The following SDE2 variants were observed in gnomAD, a reference collection of about 807,000 sequenced individuals.
The protein encoded by SDE2 is splicing regulator SDE2.
In SDE2, 31 loss-of-function variants were observed where a neutral mutation model predicts 46.9. The ratio of observed to expected loss-of-function variants is 0.66; its 90% CI spans 0.50 to 0.89. The LOEUF (loss-of-function observed/expected upper bound fraction) is 0.89, where lower values mean the gene tolerates loss of function less well. Among genes scored for constraint, SDE2 ranks in the 40% least tolerant of loss-of-function variants. SDE2 has a pLI of 0.00. For synonymous variants in SDE2, 205 were observed against 204.3 expected (o/e 1.00, Z -0.03); for missense variants, 542 against 564.4 (o/e 0.96, Z 0.40).
At chr1:225,996,306 G>A (rs967881446) in intron 1 of SDE2, among the ~76,000 whole-genome samples, 1 of 152,092 alleles carries the variant, frequency 6.6e-6, no homozygotes, top group Admixed American at 6.6e-5. Context: ...AATACATTTT[G>A]TATCTGTTTA....
Position 225,995,281 on chromosome 1 carries a change from A to G in SDE2, c.223T>C (p.Cys75Arg), listed in dbSNP as rs770642413. Residue 75 changes from cysteine to arginine, a missense_variant, in exon 2 of 7, where the codon TGC (cysteine) becomes CGC (arginine). Cys to Arg is a radical substitution (Grantham distance 180). Transcript: ENST00000272091. ...GAVYSLEPRL[C>R]GGKGGFGSML... ...CAGGTCCTACCTCCTTTTCCACCGC[A>G]AAGTCTGGGTTCCAAACTATAAACA... 1.9e-6 allele frequency: 3 copies of G among 1,599,296 alleles called. No homozygotes were observed. The highest frequency in any genetic ancestry group is 2.7e-5 in the African/African-American group (2 of 74,604).
chr1:225,992,510 C>A lies in SDE2; in HGVS notation c.408G>T (p.Arg136=), dbSNP rs1656425218. ...AEREAEKEQK[R]LERLQRKLVE... Reference sequence around the variant, plus strand: ...CAAGCTTCCGCTGCAGTCGCTCCAGCCGCTTCTGCTCCTTTTCAGCCTCTC... The same window carrying A: ...CAAGCTTCCGCTGCAGTCGCTCCAGACGCTTCTGCTCCTTTTCAGCCTCTC... The change falls in exon 4 of 7, where the codon CGG becomes CGT. Residue 136 remains arginine, a synonymous_variant. Coordinates refer to ENST00000272091, the MANE Select transcript of SDE2 (RefSeq NM_152608.4). 1 of 1,612,610 alleles carries A rather than the reference C, an allele frequency of 6.2e-7. No homozygotes were observed. The highest frequency in any genetic ancestry group is 1.7e-5 in the Admixed American group (1 of 60,018).
Position 225,995,293 on chromosome 1 carries a change from C to T in SDE2, c.211G>A (p.Glu71Lys). 1.2e-6 allele frequency: 2 copies of T among 1,609,290 alleles called. No individual in the cohort carries two copies. Among genetic ancestry groups the T allele is most frequent in the Middle Eastern group, 3.3e-4 (2 of 6,052 alleles). The change falls in exon 2 of 7, where the codon GAA becomes AAA. Residue 71 changes from glutamate to lysine, a missense_variant. By Grantham distance (56) the Glu-to-Lys change is moderately conservative (BLOSUM62 1). This residue lies in a region of SDE2 where 135 missense variants were observed against 106.5 expected (regional missense o/e 1.27). Transcript: ENST00000272091. Reference protein sequence around the residue: ...TVQHGAVYSLEPRLCGGKGGF... With the variant: ...TVQHGAVYSLKPRLCGGKGGF... The stretch of plus-strand genomic sequence containing the variant: ...CCTTTTCCACCGCAAAGTCTGGGTT[C>T]CAAACTATAAACAGCTCCATGCTGC...
intron 1 of SDE2, among the ~76,000 whole-genome samples, chr1:225,996,248 A>G (rs1276902175): frequency 6.6e-6 from 1 of 152,206 alleles, no homozygotes; most frequent in Non-Finnish European, 1.5e-5. Context: ...TTGTCTTTAA[A>G]ATACTGTCTA....
chr1:225,985,615 C>G, intron 6 of SDE2, 92 bp from the exon 7 acceptor site: 1 of 809,670 alleles, frequency 1.2e-6, no homozygotes. Context: ...GAGAAATTTT[C>G]ATTTAATTTG....
At chr1:225,993,955 A>G (rs185613540) in intron 2 of SDE2, among the ~76,000 whole-genome samples, 1,591 of 145,916 alleles carry the variant, frequency 0.011, 58 homozygotes, top group Admixed American at 0.065. Flanking sequence ...TTTTGTAGAG[A>G]CCAAGGTCTC....
rs764676070 is a variant in SDE2, at chr1:225,992,914, T to C, written c.327A>G (p.Leu109=). The C allele has an allele frequency of 1.2e-6, 2 of 1,610,184 alleles. No homozygotes were observed. Among genetic ancestry groups the C allele is most frequent in the Non-Finnish European group, 8.5e-7 (1 of 1,176,476 alleles). The change falls in exon 3 of 7, where the codon CTA becomes CTG. Residue 109 remains leucine (L), a synonymous_variant. Transcript: ENST00000272091. ...ACGCTTTTTCATGATTGACATCGCG[T>C]AGTCTCCTTCCACTGAGATCCCGAC... ...EACRDLSGRR[L]RDVNHEKAMA... is the part of the protein sequence containing the mutation.
chr1:225,995,363 G>T lies in SDE2; in HGVS notation c.141C>A (p.Phe47Leu). 6.2e-7 allele frequency: 1 copy of T among 1,605,678 alleles called. No individual in the cohort carries two copies. The highest frequency in any genetic ancestry group is 8.5e-7 in the Non-Finnish European group (1 of 1,172,846). Residue 47 changes from phenylalanine (F) to leucine (L), a missense_variant, in exon 2 of 7, where the codon TTC becomes TTA. By Grantham distance (22) the Phe-to-Leu change is conservative. Around this residue, in one of 3 missense-constraint regions of SDE2, gnomAD observed 135 missense variants for 106.5 expected, o/e 1.27. Transcript: ENST00000272091. Reference sequence around the variant, plus strand: ...TGAGTGCTCCATTGCATTTCACAAAGAAGTTTTCCACTGGAACATTCTAGA... The same window carrying T: ...TGAGTGCTCCATTGCATTTCACAAATAAGTTTTCCACTGGAACATTCTAGA... The part of the protein sequence containing the change: ...CQDQNVPVEN[F>L]FVKCNGALIN...
At chr1:225,995,509 A>G in intron 1 of SDE2, 126 bp from the exon 2 acceptor site, 1 of 522,082 alleles carries the variant, frequency 1.9e-6, no homozygotes, top group Non-Finnish European at 3.4e-6. Flanking sequence ...ATATTTGTTG[A>G]ATTGAAAATG....
intron 6 of SDE2, among the ~76,000 whole-genome samples, chr1:225,987,410 A>G (rs1035662077): frequency 1.1e-4 from 16 of 152,184 alleles, no homozygotes; most frequent in African/African-American, 3.4e-4. Flanking sequence ...GATAAATTTA[A>G]AAGGAGGTTC....
chr1:225,994,519 G>C (rs960369690), intron 2 of SDE2, among the ~76,000 whole-genome samples: 1 of 152,178 alleles, frequency 6.6e-6, no homozygotes, highest in Non-Finnish European at 1.5e-5. Context: ...ACCAACAACT[G>C]TTTATATTGT....
chr1:225,987,387 C>G (rs1656291744), intron 6 of SDE2, among the ~76,000 whole-genome samples: 1 of 152,096 alleles, frequency 6.6e-6, no homozygotes, highest in Admixed American at 6.6e-5. Context: ...ACTGTGGGTA[C>G]TTAAGATTTA....
rs746912902 is a variant in SDE2 at position 225,995,263 on chromosome 1, T to C, written c.238+3A>G. On this transcript the variant is annotated splice_donor_region_variant and intron_variant, in intron 2 of 6. Coordinates refer to ENST00000272091, the MANE Select transcript of SDE2 (RefSeq NM_152608.4). The stretch of plus-strand genomic sequence containing the variant: ...AACTAAGTAGTCAATGTTCAGGTCC[T>C]ACCTCCTTTTCCACCGCAAAGTCTG... 2.0e-6 allele frequency: 3 copies of C among 1,492,928 alleles called. No homozygotes were observed. The highest frequency in any genetic ancestry group is 2.3e-5 in the East Asian group (1 of 44,260). 92.5% of individuals were successfully genotyped at this position (1,492,928 alleles called of 1,614,324 possible). A position where few individuals can be genotyped will look rare whatever the true frequency, so the allele number is the denominator to read the frequency against.
At chr1:225,986,621 A>G (rs2102701192) in intron 6 of SDE2, among the ~76,000 whole-genome samples, 1 of 152,360 alleles carries the variant, frequency 6.6e-6, no homozygotes, top group South Asian at 2.1e-4. Context: ...TACAACAGCT[A>G]TTACTACAAC....
At chr1:225,993,084 C>A (rs1576176377) in intron 2 of SDE2, 82 bp from the exon 3 acceptor site, 10 of 616,562 alleles carry the variant, frequency 1.6e-5, no homozygotes, top group East Asian at 3.0e-5. Context: ...CAATCTGTAT[C>A]ACAAGATTAA....
rs991834754 is a variant in SDE2 at position 225,991,349 on chromosome 1, A to C, written c.535T>G (p.Ser179Ala). ...ATTTCTGCTGAAACCATCTTGCTGGAGGCAGCCTGCATACCTAACCAGAAA... is the reference window on the plus strand; with the variant it reads ...ATTTCTGCTGAAACCATCTTGCTGGCGGCAGCCTGCATACCTAACCAGAAA... ...DSVLKGMQAASSKMVSAEISE... is the reference protein window; with the variant it reads ...DSVLKGMQAAASKMVSAEISE... Residue 179 changes from serine to alanine, a missense_variant, in exon 5 of 7, where the codon TCC (serine) becomes GCC (alanine). This residue lies in a region of SDE2 where 401 missense variants were observed against 437.8 expected (regional missense o/e 0.92). Coordinates refer to ENST00000272091, the MANE Select transcript of SDE2 (RefSeq NM_152608.4). The C allele has an allele frequency of 1.2e-6, 2 of 1,613,740 alleles. No individual in the cohort carries two copies. The highest frequency in any genetic ancestry group is 2.2e-5 in the South Asian group (2 of 91,066).
chr1:225,993,777 CCCT>C (rs1351720519), intron 2 of SDE2, among the ~76,000 whole-genome samples: 1 of 152,096 alleles, frequency 6.6e-6, no homozygotes, highest in Non-Finnish European at 1.5e-5. Flanking sequence ...TTTTTATCCC[CCCT>C]AAGAGATGGG....
chr1:225,995,140 G>T, intron 2 of SDE2, 126 bp downstream of exon 2: 2 of 616,328 alleles, frequency 3.2e-6, no homozygotes, highest in East Asian at 2.8e-5. Context: ...GCATACTAAA[G>T]AGACTAAGAA....
rs1656236623 is a variant in SDE2 at position 225,984,965 on chromosome 1, TATAA to T, written c.*333_*336del. 3.7e-6 allele frequency: 1 copy of T among 268,866 alleles called. No homozygotes were observed. Among genetic ancestry groups the T allele is most frequent in the South Asian group, 4.9e-5 (1 of 20,608 alleles). 16.7% of individuals were successfully genotyped at this position (268,866 alleles called of 1,614,324 possible). A position where few individuals can be genotyped will look rare whatever the true frequency, so the allele number is the denominator to read the frequency against. On this transcript the variant is annotated 3_prime_UTR_variant, in exon 7 of 7. Coordinates refer to ENST00000272091, the MANE Select transcript of SDE2 (RefSeq NM_152608.4). ...CATTAAAAGGGTAAGAAGGGACCAT[TATAA>T]ATAACCTTATGTCTACAAATTTGAT...
Sources: gnomAD v4.1 joint callset for allele counts (sites outside exome capture counted in the v4.1 genomes callset) on GRCh38, gnomAD v4.1.1 for gene constraint, gnomAD v4.1.1 regional missense constraint, MANE v1.5 for transcripts, NCBI Gene and HGNC (gene_info 2026-07-23, HGNC 2026-07-21) for gene names.